Variants in NR2C2 observed in about 807,000 individuals in gnomAD.
NR2C2 encodes nuclear receptor subfamily 2 group C member 2, also known as Nuclear hormone receptor TR4.
A neutral mutation model predicts 62.9 loss-of-function variants in NR2C2; 6 were observed. That is an observed-to-expected ratio of 0.10 (90% CI 0.05 to 0.19). The LOEUF is 0.19. NR2C2 is among the 10% of genes least tolerant of loss of function. The pLI is 1.00. For missense variants in NR2C2, 479 were observed against 762.7 expected, an observed-to-expected ratio of 0.63 and a Z score of 4.38; for synonymous variants, 272 against 273.8, an observed-to-expected ratio of 0.99 and a Z score of 0.07.
At chr3:15,040,371 C>T (rs544775176) in intron 13 of NR2C2, among the ~76,000 whole-genome samples, 155 of 152,250 alleles carry the variant, frequency 1.0e-3, no homozygotes, top group Non-Finnish European at 1.7e-3. Flanking sequence ...TTTCCCTCCC[C>T]ACCATGTCCC....
intron 1 of NR2C2, among the ~76,000 whole-genome samples, chr3:15,000,924 C>T (rs895750457): frequency 6.6e-6 from 1 of 150,498 alleles, no homozygotes; most frequent in Non-Finnish European, 1.5e-5. Context: ...ACACCATTCT[C>T]CTGCCTCAGC....
At chr3:14,988,962 C>T (rs1406803039) in intron 1 of NR2C2, among the ~76,000 whole-genome samples, 2 of 152,108 alleles carry the variant, frequency 1.3e-5, no homozygotes, top group African/African-American at 4.8e-5. Flanking sequence ...CCTTCTCCAC[C>T]CTATGTAAAA....
chr3:15,010,515 A>G (rs1025865538), intron 2 of NR2C2, among the ~76,000 whole-genome samples: 32 of 151,828 alleles, frequency 2.1e-4, no homozygotes, highest in African/African-American at 7.7e-4. Flanking sequence ...GATGTTCAAG[A>G]CCAGCTTGGG....
intron 11 of NR2C2, among the ~76,000 whole-genome samples, chr3:15,037,212 TGTGTG>T (rs1559310109): frequency 4.6e-4 from 64 of 139,304 alleles, no homozygotes; most frequent in African/African-American, 1.4e-3. Flanking sequence ...TTTTTGTTTG[TGTGTG>T]TGTGTGTGTG....
At chr3:15,007,030 C>T (rs1375295042) in intron 2 of NR2C2, among the ~76,000 whole-genome samples, 1 of 152,080 alleles carries the variant, frequency 6.6e-6, no homozygotes, top group Non-Finnish European at 1.5e-5. Flanking sequence ...CTGCCTCGGC[C>T]TCCCAAAGTG....
chr3:14,996,808 C>A (rs1331402526), intron 1 of NR2C2, among the ~76,000 whole-genome samples: 1 of 152,156 alleles, frequency 6.6e-6, no homozygotes, highest in Non-Finnish European at 1.5e-5. Context: ...GTGATCCGCC[C>A]GCCTCGGCCT....
intron 1 of NR2C2, among the ~76,000 whole-genome samples, chr3:14,964,542 G>A (rs1165197653): frequency 1.3e-5 from 2 of 151,018 alleles, no homozygotes; most frequent in Non-Finnish European, 2.9e-5. Context: ...TTGAGATGGA[G>A]TCTCGCTCTG....
rs928176907 is a variant in NR2C2 at position 15,045,952 on chromosome 3, T to C, written c.*2944T>C. 7 of 147,810 alleles carry C rather than the reference T, an allele frequency of 4.7e-5. No individual in the cohort carries two copies. The highest frequency in any genetic ancestry group is 1.1e-4 in the Non-Finnish European group (7 of 66,250). The allele number at this position is 147,810 out of a possible 1,614,324, so 9.2% of individuals were successfully genotyped here. On this transcript the variant is annotated 3_prime_UTR_variant, in exon 14 of 14. Transcript: ENST00000425241. ...TCTTTTCCAGAAGTATCTCAGATAA[T>C]GTTGGGTTAAGACAGATAGATGTTG...
At chr3:15,005,368 CTTTTTT>C (rs761731325) in intron 2 of NR2C2, among the ~76,000 whole-genome samples, 3 of 83,052 alleles carry the variant, frequency 3.6e-5, no homozygotes, top group South Asian at 8.1e-4. Context: ...ACGCATAATG[CTTTTTT>C]TTTTTTTTTT....
intron 4 of NR2C2, among the ~76,000 whole-genome samples, chr3:15,019,991 T>C (rs2041624738): frequency 6.6e-6 from 1 of 152,216 alleles, no homozygotes; most frequent in South Asian, 2.1e-4. Flanking sequence ...CGTGGATATA[T>C]TGAAATATCA....
chr3:15,048,023 T>C lies in NR2C2; in HGVS notation c.*5015T>C, dbSNP rs1028212612. 1.3e-5 allele frequency: 2 copies of C among 152,612 alleles called. No individual in the cohort carries two copies. Among genetic ancestry groups the C allele is most frequent in the South Asian group, 2.1e-4 (1 of 4,834 alleles). 9.5% of individuals were successfully genotyped at this position (152,612 alleles called of 1,614,324 possible). A position where few individuals can be genotyped will look rare whatever the true frequency, so the allele number is the denominator to read the frequency against. On this transcript the variant is annotated 3_prime_UTR_variant, in exon 14 of 14. Transcript: ENST00000425241. ...GGCCTGGCCCAGCAGTAGTTGCTCA[T>C]AGACCTGGGAAGCAGGGGCCTGCTG...
chr3:15,009,349 C>T (rs938304252), intron 2 of NR2C2, among the ~76,000 whole-genome samples: 5 of 152,204 alleles, frequency 3.3e-5, no homozygotes, highest in Non-Finnish European at 1.5e-5. Context: ...GACCTGAAAT[C>T]ACCAGATGGA....
chr3:15,017,001 A>G (rs1328461491), intron 4 of NR2C2, among the ~76,000 whole-genome samples: 1 of 152,226 alleles, frequency 6.6e-6, no homozygotes, highest in Non-Finnish European at 1.5e-5. Context: ...ACAAGAACAC[A>G]GTACCAGGAA....
intron 1 of NR2C2, among the ~76,000 whole-genome samples, chr3:14,980,334 T>A (rs76018064): frequency 1.4e-5 from 2 of 146,906 alleles, no homozygotes; most frequent in East Asian, 2.0e-4. Flanking sequence ...AAAAAAAAAA[T>A]GTTTTTTTGG....
At chr3:15,006,432 A>G (rs887090730) in intron 2 of NR2C2, among the ~76,000 whole-genome samples, 1 of 152,060 alleles carries the variant, frequency 6.6e-6, no homozygotes, top group African/African-American at 2.4e-5. Flanking sequence ...TATATATGCT[A>G]TATGTAAATT....
intron 1 of NR2C2, among the ~76,000 whole-genome samples, chr3:14,956,710 T>A (rs1365597101): frequency 6.6e-6 from 1 of 152,146 alleles, no homozygotes; most frequent in Non-Finnish European, 1.5e-5. Context: ...CCTGGCTGAT[T>A]TTGTATTTTT....
At chr3:15,011,780 A>G (rs1012485686) in intron 2 of NR2C2, among the ~76,000 whole-genome samples, 14 of 152,188 alleles carry the variant, frequency 9.2e-5, no homozygotes, top group African/African-American at 3.4e-4. Flanking sequence ...TGTGCCGTGT[A>G]GCACACTTTG....
chr3:15,045,614 T>C lies in NR2C2; in HGVS notation c.*2606T>C, dbSNP rs2042421125. On this transcript the variant is annotated 3_prime_UTR_variant, in exon 14 of 14. Transcript: ENST00000425241. ...CCTGTATTCTTGCTGCTTTAACTCA[T>C]TTCAAGCCTCTGACTGCAGGTCCAT... is the stretch of plus-strand genomic sequence containing the variant. The C allele has an allele frequency of 6.5e-6, 1 of 152,680 alleles. No individual in the cohort carries two copies. Among genetic ancestry groups the C allele is most frequent in the Non-Finnish European group, 1.5e-5 (1 of 68,040 alleles). The allele number at this position is 152,680 out of a possible 1,614,324, so 9.5% of individuals were successfully genotyped here.
chr3:14,974,231 T>C (rs2125303579), intron 1 of NR2C2, among the ~76,000 whole-genome samples: 1 of 152,334 alleles, frequency 6.6e-6, no homozygotes, highest in African/African-American at 2.4e-5. Flanking sequence ...ATCCTCCCGG[T>C]TCAGGCTATT....
Sources: allele counts gnomAD v4.1 joint callset (sites outside exome capture counted in the v4.1 genomes callset), GRCh38; gene constraint gnomAD v4.1.1; transcripts MANE v1.5; gene names NCBI Gene and HGNC (gene_info 2026-07-23, HGNC 2026-07-21).